Variants in FANCB observed in about 807,000 individuals in gnomAD.
FANCB encodes FA complementation group B, also known as Fanconi anemia group B protein.
FANCB carries 5 observed loss-of-function variants against 38.9 expected under a neutral mutation model. The ratio of observed to expected loss-of-function variants is 0.13; its 90% CI spans 0.07 to 0.27. The LOEUF (loss-of-function observed/expected upper bound fraction) is 0.27, where lower values mean the gene tolerates loss of function less well. Ranked by LOEUF, FANCB falls within the 10% of genes least tolerant of loss-of-function variation. FANCB has a pLI of 1.00. For missense variants in FANCB, 573 were observed against 602.7 expected (o/e 0.95, Z 0.52); for synonymous variants, 236 against 215.4 (o/e 1.10, Z -0.84).
At chrX:14,786,151 G>T in the FANCB span, among the ~76,000 whole-genome samples, 3 of 111,144 alleles carry the variant, frequency 2.7e-5, no homozygotes, top group Non-Finnish European at 5.7e-5. Context: ...CTAGTCAAAG[G>T]CTGTGGCTTT....
At chrX:14,701,363 A>C in the FANCB span, among the ~76,000 whole-genome samples, 4 of 111,160 alleles carry the variant, frequency 3.6e-5, no homozygotes, top group Non-Finnish European at 7.5e-5. Context: ...GGACTGACTG[A>C]AATAAAAATG....
At chrX:14,758,086 T>C in the FANCB span, among the ~76,000 whole-genome samples, 1 of 110,609 alleles carries the variant, frequency 9.0e-6, no homozygotes, top group African/African-American at 3.3e-5. Flanking sequence ...CTGCTAGCTT[T>C]CCCCCATTTC....
At chrX:14,849,854 CAA>C (rs1052374819) in intron 7 of FANCB, among the ~76,000 whole-genome samples, 3 of 111,259 alleles carry the variant, frequency 2.7e-5, no homozygotes, top group Non-Finnish European at 5.7e-5. Context: ...CTGTGCTGGC[CAA>C]GAGAGTAGCT....
chrX:14,723,036 A>T, the FANCB span, among the ~76,000 whole-genome samples: 1 of 112,305 alleles, frequency 8.9e-6, no homozygotes, highest in Non-Finnish European at 1.9e-5. Context: ...TTTGTCTTGC[A>T]AACAGTTTGG....
chrX:14,834,652 G>A (rs901820184), downstream of FANCB: 11 of 602,639 alleles, frequency 1.8e-5, no homozygotes, highest in African/African-American at 1.8e-4. Flanking sequence ...GGTGTTTTAG[G>A]AGTTTTTTCC....
the FANCB span, among the ~76,000 whole-genome samples, chrX:14,714,099 G>T: frequency 9.0e-6 from 1 of 110,679 alleles, no homozygotes. Context: ...TCTATTTCCT[G>T]GTTTGAAGCT....
chrX:14,691,775 A>G, the FANCB span, among the ~76,000 whole-genome samples: 8 of 111,574 alleles, frequency 7.2e-5, no homozygotes, highest in East Asian at 2.8e-4. Flanking sequence ...TTCCATTTCA[A>G]ACTCTGGGAG....
chrX:14,697,377 T>C, the FANCB span, among the ~76,000 whole-genome samples: 1 of 112,386 alleles, frequency 8.9e-6, no homozygotes, highest in Non-Finnish European at 1.9e-5. Context: ...CTCCACTTTA[T>C]AGACCTGGAT....
At chrX:14,816,635 C>T in the FANCB span, among the ~76,000 whole-genome samples, 1 of 112,021 alleles carries the variant, frequency 8.9e-6, no homozygotes, top group Admixed American at 9.4e-5. Flanking sequence ...GGCCTCTACC[C>T]ACCAGATTCC....
At chrX:14,727,845 C>T in the FANCB span, among the ~76,000 whole-genome samples, 2 of 111,796 alleles carry the variant, frequency 1.8e-5, no homozygotes, top group East Asian at 5.6e-4. Flanking sequence ...AGTTTGGCCC[C>T]TTCCACCAGA....
chrX:14,704,651 C>T, the FANCB span, among the ~76,000 whole-genome samples: 1 of 111,639 alleles, frequency 9.0e-6, no homozygotes, highest in African/African-American at 3.3e-5. Flanking sequence ...CGAGTATAAC[C>T]GTTTATAAAA....
At chrX:14,698,519 A>T in the FANCB span, among the ~76,000 whole-genome samples, 3 of 107,718 alleles carry the variant, frequency 2.8e-5, no homozygotes, top group African/African-American at 1.0e-4. Flanking sequence ...CTCTACTAAA[A>T]ATACAAAAAT....
chrX:14,701,852 A>G, the FANCB span, among the ~76,000 whole-genome samples: 1 of 112,447 alleles, frequency 8.9e-6, no homozygotes, highest in South Asian at 3.7e-4. Flanking sequence ...TTAAATGAGA[A>G]AGAAAACTTG....
At chrX:14,754,016 C>T in the FANCB span, among the ~76,000 whole-genome samples, 2 of 112,014 alleles carry the variant, frequency 1.8e-5, no homozygotes, top group African/African-American at 6.5e-5. Context: ...CAATGTTTGC[C>T]CCCTCCCCCT....
chrX:14,828,135 A>G, the FANCB span, among the ~76,000 whole-genome samples: 1 of 112,116 alleles, frequency 8.9e-6, no homozygotes, highest in Non-Finnish European at 1.9e-5. Context: ...GCTAACCATC[A>G]CCTGGGCCTT....
At chrX:14,759,093 C>T in the FANCB span, among the ~76,000 whole-genome samples, 6 of 111,722 alleles carry the variant, frequency 5.4e-5, no homozygotes, top group African/African-American at 1.3e-4. Flanking sequence ...GTCTCAGCAA[C>T]AGAATCAAAC....
In FANCB at chrX:14,843,846, T is replaced by C. The variant is rs962222970; in HGVS notation, c.2301A>G (p.Leu767=). The change falls in exon 10 of 10, where the codon CTA becomes CTG. Residue 767 remains leucine (L), a synonymous_variant. Transcript: ENST00000650831. ...DNMAFTLEKE[L]VTLSSLSSAI... ...CAGAAGAAAGAGAACTAAGGGTGAC[T>C]AGTTCCTTCTCCAAAGTAAATGCCA... 3 of 1,209,610 alleles carry C rather than the reference T, an allele frequency of 2.5e-6. No homozygotes were observed. The highest frequency in any genetic ancestry group is 2.2e-6 in the Non-Finnish European group (2 of 894,425).
At chrX:14,852,909 G>A (rs1210161444) in intron 6 of FANCB, 130 bp downstream of exon 6, 2 of 535,156 alleles carry the variant, frequency 3.7e-6, no homozygotes, top group East Asian at 8.1e-5. Context: ...TATAACCTCT[G>A]CTACTTTTCT....
chrX:14,698,681 CAAAAAAAAA>C, the FANCB span, among the ~76,000 whole-genome samples: 3 of 21,140 alleles, frequency 1.4e-4, no homozygotes, highest in African/African-American at 3.7e-4. Context: ...CTATCTATCT[CAAAAAAAAA>C]AAAAAAAAAA....
Sources: gnomAD v4.1 joint callset for allele counts (sites outside exome capture counted in the v4.1 genomes callset) on GRCh38, gnomAD v4.1.1 for gene constraint, MANE v1.5 for transcripts, NCBI Gene and HGNC (gene_info 2026-07-23, HGNC 2026-07-21) for gene names.